FGB: variants seen among roughly 807,000 people sequenced by gnomAD.
The protein encoded by FGB is fibrinogen beta chain.
A neutral mutation model predicts 57.9 loss-of-function variants in FGB; 25 were observed. The observed-to-expected ratio is 0.43, with a 90% CI of 0.31 to 0.60. The LOEUF is 0.60. Ranked by LOEUF, FGB falls within the 20% of genes least tolerant of loss-of-function variation. FGB has a pLI of 0.08. For synonymous variants in FGB, 203 were observed against 199.2 expected (o/e 1.02, Z -0.16); for missense variants, 536 against 598.4 (o/e 0.90, Z 1.09).
Position 154,566,589 on chromosome 4 carries a change from C to T in FGB, c.407C>T (p.Ala136Val). ...SVDELNNNVEAVSQTSSSSFQ... is the reference protein window; with the variant it reads ...SVDELNNNVEVVSQTSSSSFQ... ...GATGAGTTAAATAACAATGTGGAAG[C>T]TGTTTCCCAGACCTCCTCTTCTTCC... The change falls in exon 3 of 8, where the codon GCT (alanine) becomes GTT (valine). Residue 136 changes from alanine (A) to valine (V), a missense_variant. By Grantham distance (64) the Ala-to-Val change is moderately conservative (BLOSUM62 0). Around this residue, in one of 3 missense-constraint regions of FGB, gnomAD observed 354 missense variants for 383.4 expected, o/e 0.92. Transcript: ENST00000302068. The T allele has an allele frequency of 6.2e-7, 1 of 1,614,084 alleles. No homozygotes were observed. The highest frequency in any genetic ancestry group is 1.1e-5 in the South Asian group (1 of 91,078).
intron 4 of FGB, 37 bp from the exon 5 acceptor site, chr4:154,568,344 A>G (rs758198003): frequency 2.6e-5 from 28 of 1,074,364 alleles, no homozygotes; most frequent in Non-Finnish European, 3.5e-5. Flanking sequence ...TAATTATGTC[A>G]TAAACCCCTG....
rs143539066 is a variant in FGB, at chr4:154,568,527, T to G, written c.832+33T>G. 3 of 1,113,476 alleles carry G rather than the reference T, an allele frequency of 2.7e-6. No homozygotes were observed. The East Asian group carries it at 7.0e-5, about 26-fold the overall frequency. The allele number at this position is 1,113,476 out of a possible 1,614,324, so 69.0% of individuals were successfully genotyped here. ...TTCGACAGTTGTTGACCTGTTGATC[T>G]GTAATTATTTGGATACCGTAAAATG... is the stretch of plus-strand genomic sequence containing the variant. On this transcript the variant is annotated intron_variant, in intron 5 of 7. Coordinates refer to ENST00000302068, the MANE Select transcript of FGB (RefSeq NM_005141.5).
At chr4:154,565,144 C>A in intron 1 of FGB, 2 of 455,082 alleles carry the variant, frequency 4.4e-6, no homozygotes, top group Non-Finnish European at 9.1e-6. Context: ...TTACAATAAT[C>A]TTGTAAGGCA....
In FGB at chr4:154,565,842, A is replaced by G; in HGVS notation, c.149A>G (p.Asp50Gly). The change falls in exon 2 of 8, where the codon GAC (aspartate) becomes GGC (glycine). Residue 50 changes from aspartate to glycine, a missense_variant. Asp to Gly is a moderately conservative substitution (Grantham distance 94). Transcript: ENST00000302068. ...AGTGCCCGTGGTCATCGACCCCTTG[A>G]CAAGAAGAGAGAAGAGGCTCCCAGC... ...FFSARGHRPL[D>G]KKREEAPSLR... 6.2e-7 allele frequency: 1 copy of G among 1,614,148 alleles called. No individual in the cohort carries two copies. The highest frequency in any genetic ancestry group is 8.5e-7 in the Non-Finnish European group (1 of 1,180,038).
intron 4 of FGB, 132 bp downstream of exon 4, chr4:154,567,952 T>C (rs1730235418): frequency 1.3e-6 from 1 of 774,740 alleles, no homozygotes. Context: ...CAGTACATCA[T>C]AAAAATATCC....
At chr4:154,568,058 C>T (rs1232379526) in intron 4 of FGB, among the ~76,000 whole-genome samples, 1 of 152,172 alleles carries the variant, frequency 6.6e-6, no homozygotes, top group East Asian at 1.9e-4. Flanking sequence ...ATGTGTGCAT[C>T]TGCGTACTGG....
At chr4:154,567,434 G>T (rs542187688) in intron 3 of FGB, among the ~76,000 whole-genome samples, 159 bp from the exon 4 acceptor site, 3 of 152,076 alleles carry the variant, frequency 2.0e-5, no homozygotes, top group South Asian at 4.1e-4. Context: ...TATGTCATGC[G>T]CCAAATCATT....
rs371842822 is a variant in FGB, at chr4:154,565,893, G to C, written c.200G>C (p.Ser67Thr). Residue 67 changes from serine (S) to threonine (T), a missense_variant, in exon 2 of 8, where the codon AGT becomes ACT. By Grantham distance (58) the Ser-to-Thr change is moderately conservative. Around this residue, in one of 3 missense-constraint regions of FGB, gnomAD observed 354 missense variants for 383.4 expected, o/e 0.92. Transcript: ENST00000302068. ...PSLRPAPPPISGGGYRARPAK... is the reference protein window; with the variant it reads ...PSLRPAPPPITGGGYRARPAK... Reference sequence around the variant, plus strand: ...CTGAGGCCTGCCCCACCGCCCATCAGTGGAGGTGGCTATCGGGCTCGTCCA... The same window carrying C: ...CTGAGGCCTGCCCCACCGCCCATCACTGGAGGTGGCTATCGGGCTCGTCCA... 148 of 1,613,974 alleles carry C rather than the reference G, an allele frequency of 9.2e-5. No individual in the cohort carries two copies. The highest frequency in any genetic ancestry group is 4.5e-5 in the Non-Finnish European group (53 of 1,179,980).
At chr4:154,567,527 T>G in intron 3 of FGB, 66 bp from the exon 4 acceptor site, 5 of 947,278 alleles carry the variant, frequency 5.3e-6, no homozygotes, top group Non-Finnish European at 8.6e-6. Flanking sequence ...CAAAATTGTA[T>G]AGTTAAATAC....
At position 154,572,250 on chromosome 4, in the gene FGB, T is replaced by C. The variant is rs1361016649; in HGVS notation, c.*1600T>C. Among the ~76,000 whole-genome samples, 1 of 152,140 alleles carries C rather than the reference T, an allele frequency of 6.6e-6. No individual in the cohort carries two copies. The highest frequency in any genetic ancestry group is 1.5e-5 in the Non-Finnish European group (1 of 68,026). ...AAAAATTTCAACAGCTTTATTGAGA[T>C]ATAATTGATATAATTTAAAAAATCC... is the stretch of plus-strand genomic sequence containing the variant. On this transcript the variant is annotated 3_prime_UTR_variant, in exon 8 of 8. Transcript: ENST00000302068.
rs553042170 is a variant in FGB at position 154,565,909 on chromosome 4, G to A, written c.216G>A (p.Arg72=). The change falls in exon 2 of 8, where the codon CGG becomes CGA. Residue 72 remains arginine (R), a synonymous_variant. Coordinates refer to ENST00000302068, the MANE Select transcript of FGB (RefSeq NM_005141.5). The part of the protein sequence containing the change: ...APPPISGGGY[R]ARPAKAAATQ... ...CGCCCATCAGTGGAGGTGGCTATCG[G>A]GCTCGTCCAGCCAAAGCAGCTGCCA... 50 of 1,614,040 alleles carry A rather than the reference G, an allele frequency of 3.1e-5. No homozygotes were observed. The Middle Eastern group carries it at 2.0e-3, about 64-fold the overall frequency.
At chr4:154,565,221 C>T (rs1730105454) in intron 1 of FGB, 1 of 464,160 alleles carries the variant, frequency 2.2e-6, no homozygotes. Context: ...GCAACTTGCC[C>T]AAGGTCTCAT....
intron 4 of FGB, 43 bp from the exon 5 acceptor site, chr4:154,568,338 T>C: frequency 9.9e-7 from 1 of 1,008,446 alleles, no homozygotes; most frequent in Non-Finnish European, 1.6e-6. Context: ...ACAAAGTAAT[T>C]ATGTCATAAA....
In FGB at chr4:154,572,624, A is replaced by C. The variant is rs1730473665; in HGVS notation, c.*1974A>C. Among the ~76,000 whole-genome samples, 1 of 152,044 alleles carries C rather than the reference A, an allele frequency of 6.6e-6. No individual in the cohort carries two copies. The highest frequency in any genetic ancestry group is 1.5e-5 in the Non-Finnish European group (1 of 68,018). Reference sequence around the variant, plus strand: ...GCCATTCCCGGATTCCTTAGCTTAGACTCTGAACACATATTCTTCTTAGAC... The same window carrying C: ...GCCATTCCCGGATTCCTTAGCTTAGCCTCTGAACACATATTCTTCTTAGAC... On this transcript the variant is annotated 3_prime_UTR_variant, in exon 8 of 8. Transcript: ENST00000302068.
chr4:154,570,750 C>G lies in FGB; in HGVS notation c.*100C>G, dbSNP rs1298734147. 3 of 887,192 alleles carry G rather than the reference C, an allele frequency of 3.4e-6. No individual in the cohort carries two copies. The highest frequency in any genetic ancestry group is 5.6e-6 in the Non-Finnish European group (3 of 537,720). 55.0% of individuals were successfully genotyped at this position (887,192 alleles called of 1,614,324 possible). ...ATACATTATATTCCTCTAAAACTCT[C>G]AAGCAGACGTGAGTGTGACTTTTTG... On this transcript the variant is annotated 3_prime_UTR_variant, in exon 8 of 8. Transcript: ENST00000302068.
At chr4:154,567,414 T>A (rs1730204220) in intron 3 of FGB, among the ~76,000 whole-genome samples, 179 bp from the exon 4 acceptor site, 2 of 152,230 alleles carry the variant, frequency 1.3e-5, no homozygotes, top group African/African-American at 4.8e-5. Flanking sequence ...AGGATTTATG[T>A]TAATTTGTAT....
In FGB at chr4:154,570,731, T is replaced by A; in HGVS notation, c.*81T>A. 9.5e-7 allele frequency: 1 copy of A among 1,048,578 alleles called. No homozygotes were observed. Among genetic ancestry groups the A allele is most frequent in the South Asian group, 1.3e-5 (1 of 75,262 alleles). The allele number at this position is 1,048,578 out of a possible 1,614,324, so 65.0% of individuals were successfully genotyped here. ...GTTATTGGAATTTTCTTTCATACAT[T>A]ATATTCCTCTAAAACTCTCAAGCAG... On this transcript the variant is annotated 3_prime_UTR_variant, in exon 8 of 8. Coordinates refer to ENST00000302068, the MANE Select transcript of FGB (RefSeq NM_005141.5).
chr4:154,565,862 C>T lies in FGB; in HGVS notation c.169C>T (p.Pro57Ser), dbSNP rs971404907. Reference protein sequence around the residue: ...RPLDKKREEAPSLRPAPPPIS... With the variant: ...RPLDKKREEASSLRPAPPPIS... ...CCTTGACAAGAAGAGAGAAGAGGCT[C>T]CCAGCCTGAGGCCTGCCCCACCGCC... The change falls in exon 2 of 8, where the codon CCC becomes TCC. Residue 57 changes from proline to serine, a missense_variant. By Grantham distance (74) the Pro-to-Ser change is moderately conservative. Transcript: ENST00000302068. The T allele has an allele frequency of 4.3e-6, 7 of 1,614,180 alleles. No homozygotes were observed. The highest frequency in any genetic ancestry group is 5.9e-6 in the Non-Finnish European group (7 of 1,180,032).
At position 154,572,635 on chromosome 4, in the gene FGB, A is replaced by G. The variant is rs1223640668; in HGVS notation, c.*1985A>G. Among the ~76,000 whole-genome samples the G allele has an allele frequency of 2.0e-5, 3 of 152,150 alleles. No homozygotes were observed. The highest frequency in any genetic ancestry group is 2.9e-5 in the Non-Finnish European group (2 of 68,030). On this transcript the variant is annotated 3_prime_UTR_variant, in exon 8 of 8. Transcript: ENST00000302068. ...ATTCCTTAGCTTAGACTCTGAACACATATTCTTCTTAGACCATACAGTCAT... is the reference window on the plus strand; with the variant it reads ...ATTCCTTAGCTTAGACTCTGAACACGTATTCTTCTTAGACCATACAGTCAT...
Sources: gnomAD v4.1 joint callset for allele counts (sites outside exome capture counted in the v4.1 genomes callset) on GRCh38, gnomAD v4.1.1 for gene constraint, gnomAD v4.1.1 regional missense constraint, MANE v1.5 for transcripts, NCBI Gene and HGNC (gene_info 2026-07-23, HGNC 2026-07-21) for gene names.